SRP68: variants seen among roughly 807,000 people sequenced by gnomAD.
The protein encoded by SRP68 is signal recognition particle 68, also known as signal recognition particle subunit SRP68.
A neutral mutation model predicts 82.2 loss-of-function variants in SRP68; 15 were observed. The ratio of observed to expected loss-of-function variants is 0.18; its 90% CI spans 0.12 to 0.28. The LOEUF (loss-of-function observed/expected upper bound fraction) is 0.28, where lower values mean the gene tolerates loss of function less well. Among genes scored for constraint, SRP68 ranks in the 10% least tolerant of loss-of-function variants. The pLI is 1.00. For synonymous variants in SRP68, 261 were observed against 292.6 expected, an observed-to-expected ratio of 0.89 and a Z score of 1.10; for missense variants, 595 against 780.5, an observed-to-expected ratio of 0.76 and a Z score of 2.83.
chr17:76,041,074 C>T, intron 13 of SRP68, 96 bp from the exon 14 acceptor site: 1 of 897,598 alleles, frequency 1.1e-6, no homozygotes, highest in Non-Finnish European at 1.8e-6. Flanking sequence ...GGTATTTTCA[C>T]AGGACTTTAG....
intron 12 of SRP68, 153 bp downstream of exon 12, chr17:76,045,139 C>T (rs908501897): frequency 6.4e-6 from 4 of 623,664 alleles, no homozygotes; most frequent in African/African-American, 3.7e-5. Flanking sequence ...TAGAAACTCC[C>T]CTTGAACATG....
In SRP68 at chr17:76,039,685, C is replaced by T. The variant is rs759623224; in HGVS notation, c.*21G>A. The stretch of plus-strand genomic sequence containing the variant: ...ACAGATTAAGAGTCAGAATCTCCCC[C>T]GCCCCCGAGGAAGAGCCTGGTTAGC... On this transcript the variant is annotated 3_prime_UTR_variant, in exon 16 of 16. Transcript: ENST00000307877. 60 of 1,603,178 alleles carry T rather than the reference C, an allele frequency of 3.7e-5. No homozygotes were observed. In the East Asian group the frequency reaches 7.8e-4, roughly 21 times the overall value.
rs766899010 is a variant in SRP68, at chr17:76,067,378, T to C, written c.252-48A>G. The C allele has an allele frequency of 1.4e-6, 2 of 1,395,728 alleles. No individual in the cohort carries two copies. Among genetic ancestry groups the C allele is most frequent in the South Asian group, 1.2e-5 (1 of 84,130 alleles). 86.5% of individuals were successfully genotyped at this position (1,395,728 alleles called of 1,614,324 possible). On this transcript the variant is annotated intron_variant, in intron 2 of 15. Transcript: ENST00000307877. ...CTCACTCAGCCAAGCTGAGAGTATT[T>C]TGAATAATAAATTCTGCAATAAGGC...
intron 14 of SRP68, 21 bp from the exon 15 acceptor site, chr17:76,040,495 C>T: frequency 6.2e-7 from 1 of 1,610,960 alleles, no homozygotes; most frequent in Non-Finnish European, 8.5e-7. Context: ...CACAGGGATT[C>T]AGTAAGAACA....
intron 4 of SRP68, 157 bp from the exon 5 acceptor site, chr17:76,061,731 TGGGA>T (rs1392001321): frequency 3.8e-6 from 2 of 524,628 alleles, no homozygotes; most frequent in African/African-American, 3.9e-5. Context: ...GAGGCCCAGG[TGGGA>T]GGATCACTTG....
At chr17:76,044,057 G>A (rs747542768) in intron 12 of SRP68, 99 bp from the exon 13 acceptor site, 9 of 1,412,948 alleles carry the variant, frequency 6.4e-6, no homozygotes, top group Admixed American at 2.6e-5. Flanking sequence ...TTTGGAAACA[G>A]GTTTCTTAAC....
chr17:76,046,290 G>A (rs1457059100), intron 10 of SRP68, 96 bp from the exon 11 acceptor site: 14 of 1,376,698 alleles, frequency 1.0e-5, no homozygotes, highest in Non-Finnish European at 1.4e-5. Context: ...GAGGAAGCAG[G>A]GGGCGGGTGG....
chr17:76,048,074 C>T (rs1318012926), intron 9 of SRP68, 104 bp from the exon 10 acceptor site: 1 of 550,252 alleles, frequency 1.8e-6, no homozygotes, highest in Non-Finnish European at 3.1e-6. Flanking sequence ...AACATAGACA[C>T]AAACTCTAGT....
intron 8 of SRP68, 77 bp from the exon 9 acceptor site, chr17:76,050,603 G>T (rs148891102): frequency 1.0e-6 from 1 of 961,972 alleles, no homozygotes; most frequent in Non-Finnish European, 1.7e-6. Flanking sequence ...GAGCAAAATC[G>T]CACATGGAGT....
At chr17:76,066,606 GTTTTTTTT>G (rs552112903) in intron 3 of SRP68, among the ~76,000 whole-genome samples, 1 of 124,068 alleles carries the variant, frequency 8.1e-6, no homozygotes, top group African/African-American at 2.9e-5. Flanking sequence ...ATCCCAACAG[GTTTTTTTT>G]TTTTTTTTTT....
In SRP68 at chr17:76,057,461, A is replaced by T. The variant is rs142178082; in HGVS notation, c.920T>A (p.Ile307Asn). ...EWRGRTVPVK[I>N]DKVRIFLLGL... ...TAATAAGAAAATGCGCACTTTGTCA[A>T]TCTTCACTGGAACCGTTCTCCCTCT... Residue 307 changes from isoleucine (I) to asparagine (N), a missense_variant, in exon 8 of 16, where the codon ATT becomes AAT. Transcript: ENST00000307877. 13 of 1,614,148 alleles carry T rather than the reference A, an allele frequency of 8.1e-6. No homozygotes were observed. The highest frequency in any genetic ancestry group is 1.1e-5 in the Non-Finnish European group (13 of 1,180,008).
rs1302625175 is a variant in SRP68, at chr17:76,062,735, A to T, written c.562-1161T>A. ...ACAATATATTATATTTATTTTATAT[A>T]TATATATATATATATATATATATAT... On this transcript the variant is annotated intron_variant, in intron 4 of 15. Coordinates refer to ENST00000307877, the MANE Select transcript of SRP68 (RefSeq NM_014230.4). 6.1e-3 allele frequency among the ~76,000 whole-genome samples: 112 copies of T among 18,240 alleles called. 35 individuals are homozygous for T. Among genetic ancestry groups the T allele is most frequent in the African/African-American group, 0.01 (21 of 2,068 alleles). The allele number at this position is 18,240 out of a possible 152,430, so 12.0% of individuals were successfully genotyped here. A position where few individuals can be genotyped will look rare whatever the true frequency, so the allele number is the denominator to read the frequency against.
At chr17:76,061,300 T>C in intron 5 of SRP68, 81 bp from the exon 6 acceptor site, 2 of 1,071,264 alleles carry the variant, frequency 1.9e-6, no homozygotes, top group Non-Finnish European at 2.8e-6. Context: ...AAAAACAAAT[T>C]ATGGCCTTTT....
At chr17:76,066,044 C>G (rs1027422060) in intron 3 of SRP68, among the ~76,000 whole-genome samples, 7 of 151,994 alleles carry the variant, frequency 4.6e-5, no homozygotes, top group African/African-American at 1.7e-4. Context: ...TGGCCCGTAA[C>G]TGTGAGGAAG....
At chr17:76,062,449 A>T (rs1277101267) in intron 4 of SRP68, among the ~76,000 whole-genome samples, 2 of 133,994 alleles carry the variant, frequency 1.5e-5, no homozygotes, top group Non-Finnish European at 3.1e-5. Flanking sequence ...CTCTCTTTCT[A>T]AAAAACAAAC....
chr17:76,060,726 C>G (rs1567933693), intron 6 of SRP68: 4 of 338,666 alleles, frequency 1.2e-5, no homozygotes, highest in East Asian at 5.9e-5. Context: ...CAAATGCACC[C>G]CTCTGGTGGG....
intron 7 of SRP68, among the ~76,000 whole-genome samples, chr17:76,059,250 A>G (rs566952822): frequency 6.6e-6 from 1 of 152,344 alleles, no homozygotes; most frequent in African/African-American, 2.4e-5. Context: ...GTTCAAAAAA[A>G]TAATAATAAG....
intron 13 of SRP68, 64 bp downstream of exon 13, chr17:76,043,765 G>T: frequency 1.3e-6 from 2 of 1,503,350 alleles, no homozygotes; most frequent in Non-Finnish European, 8.9e-7. Context: ...TACCCTCACA[G>T]CTCCTCCACA....
chr17:76,067,719 G>T (rs1024446101), intron 2 of SRP68, among the ~76,000 whole-genome samples: 1 of 152,086 alleles, frequency 6.6e-6, no homozygotes, highest in African/African-American at 2.4e-5. Context: ...GCCCACCCCA[G>T]CCTTCCAAAG....
Sources: allele counts gnomAD v4.1 joint callset (sites outside exome capture counted in the v4.1 genomes callset), GRCh38; gene constraint gnomAD v4.1.1; transcripts MANE v1.5; gene names NCBI Gene and HGNC (gene_info 2026-07-23, HGNC 2026-07-21).